OPCML: variants seen among roughly 807,000 people sequenced by gnomAD.
OPCML encodes the protein opioid binding protein/cell adhesion molecule like.
In OPCML, 13 loss-of-function variants were observed where a neutral mutation model predicts 37.8. The observed-to-expected ratio is 0.34, with a 90% CI of 0.22 to 0.55. The LOEUF (loss-of-function observed/expected upper bound fraction) is 0.55. Among genes scored for constraint, OPCML ranks in the 20% least tolerant of loss-of-function variants. The pLI, the probability that OPCML is intolerant of heterozygous loss-of-function variation, is 0.91. For synonymous variants in OPCML, 176 were observed against 168.8 expected, an observed-to-expected ratio of 1.04 and a Z score of -0.33; for missense variants, 341 against 435.6, an observed-to-expected ratio of 0.78 and a Z score of 1.93.
intron 1 of OPCML, among the ~76,000 whole-genome samples, chr11:133,179,335 G>A (rs1592078052): frequency 6.6e-6 from 1 of 152,168 alleles, no homozygotes; most frequent in African/African-American, 2.4e-5. Flanking sequence ...ACATCTCAGG[G>A]GTTGGTTGGC....
intron 1 of OPCML, among the ~76,000 whole-genome samples, chr11:133,444,504 T>A (rs1039442074): frequency 6.6e-5 from 10 of 152,136 alleles, no homozygotes; most frequent in African/African-American, 2.4e-4. Context: ...AGAAGAAGAT[T>A]GCTAAATCAA....
intron 1 of OPCML, among the ~76,000 whole-genome samples, chr11:133,014,723 G>A (rs1218850504): frequency 6.6e-6 from 1 of 152,220 alleles, no homozygotes; most frequent in Non-Finnish European, 1.5e-5. Context: ...CCCAGCAGAA[G>A]GAGAGAGAAA....
chr11:133,437,588 G>C (rs1946261902), intron 1 of OPCML, among the ~76,000 whole-genome samples: 1 of 150,610 alleles, frequency 6.6e-6, no homozygotes, highest in South Asian at 2.1e-4. Context: ...CTTAATATTT[G>C]CTAAGCACGC....
chr11:133,496,230 G>A (rs1159534962), intron 1 of OPCML, among the ~76,000 whole-genome samples: 2 of 152,088 alleles, frequency 1.3e-5, no homozygotes, highest in Non-Finnish European at 2.9e-5. Context: ...GTTTAATTCT[G>A]GGTTCCCTAT....
At chr11:133,333,659 G>A (rs1423307685) in intron 1 of OPCML, among the ~76,000 whole-genome samples, 2 of 152,144 alleles carry the variant, frequency 1.3e-5, no homozygotes, top group African/African-American at 4.8e-5. Flanking sequence ...TTAAACTTAA[G>A]AGCTGCTGTG....
intron 2 of OPCML, among the ~76,000 whole-genome samples, chr11:132,935,592 T>A (rs1325273347): frequency 6.6e-6 from 1 of 152,214 alleles, no homozygotes; most frequent in African/African-American, 2.4e-5. Flanking sequence ...AGCACTTTCA[T>A]GGGAAGCCAG....
chr11:132,581,709 A>G (rs1322310178), intron 3 of OPCML, among the ~76,000 whole-genome samples: 1 of 152,140 alleles, frequency 6.6e-6, no homozygotes, highest in Non-Finnish European at 1.5e-5. Flanking sequence ...ACATACTTTT[A>G]GGTAGAGAAA....
intron 2 of OPCML, among the ~76,000 whole-genome samples, chr11:132,852,942 T>C (rs1941882342): frequency 6.6e-6 from 1 of 152,002 alleles, no homozygotes; most frequent in South Asian, 2.1e-4. Context: ...ACAGACACCT[T>C]ATGTAGCCCG....
intron 1 of OPCML, among the ~76,000 whole-genome samples, chr11:133,293,757 G>A (rs1942546718): frequency 6.6e-6 from 1 of 152,020 alleles, no homozygotes; most frequent in Non-Finnish European, 1.5e-5. Context: ...TGATCTGGAA[G>A]AGAAACCCAC....
At chr11:132,733,697 T>C (rs3019865) in intron 2 of OPCML, among the ~76,000 whole-genome samples, 94,063 of 152,000 alleles carry the variant, frequency 0.62, 29,473 homozygotes, top group Admixed American at 0.66. Flanking sequence ...AATTTGAGTG[T>C]CACATTGATC....
chr11:133,186,235 T>C (rs1340554265), intron 1 of OPCML, among the ~76,000 whole-genome samples: 1 of 151,828 alleles, frequency 6.6e-6, no homozygotes, highest in Non-Finnish European at 1.5e-5. Context: ...GCTATGCCTG[T>C]AAGCTCCAAA....
intron 3 of OPCML, among the ~76,000 whole-genome samples, chr11:132,582,162 G>A (rs1335818708): frequency 1.3e-5 from 2 of 151,556 alleles, no homozygotes; most frequent in African/African-American, 2.4e-5. Flanking sequence ...AACAGAGAGA[G>A]AGAGTGCCTG....
At chr11:133,107,865 T>A (rs1040977495) in intron 1 of OPCML, among the ~76,000 whole-genome samples, 1 of 152,254 alleles carries the variant, frequency 6.6e-6, no homozygotes, top group East Asian at 1.9e-4. Flanking sequence ...TTATTTCTGA[T>A]TCTCAACGTA....
At chr11:132,831,876 T>G (rs1940710901) in intron 2 of OPCML, among the ~76,000 whole-genome samples, 1 of 152,162 alleles carries the variant, frequency 6.6e-6, no homozygotes, top group Non-Finnish European at 1.5e-5. Flanking sequence ...ATGTGGTCAT[T>G]AAACAGCAAT....
chr11:132,958,226 A>G (rs1387182023), intron 1 of OPCML, among the ~76,000 whole-genome samples: 1 of 152,238 alleles, frequency 6.6e-6, no homozygotes, highest in African/African-American at 2.4e-5. Flanking sequence ...TAGAAAGTCA[A>G]ACCAGCCACA....
At chr11:133,338,278 G>A (rs1943786369) in intron 1 of OPCML, among the ~76,000 whole-genome samples, 1 of 152,160 alleles carries the variant, frequency 6.6e-6, no homozygotes, top group South Asian at 2.1e-4. Context: ...ACCCGCCACT[G>A]GCTCTCTTGC....
chr11:133,309,844 C>A (rs191191907), intron 1 of OPCML, among the ~76,000 whole-genome samples: 1 of 152,090 alleles, frequency 6.6e-6, no homozygotes, highest in Non-Finnish European at 1.5e-5. Context: ...GCTTACTGAC[C>A]CAAGGATGAG....
At chr11:133,031,006 A>T (rs916084645) in intron 1 of OPCML, among the ~76,000 whole-genome samples, 2 of 152,162 alleles carry the variant, frequency 1.3e-5, no homozygotes, top group Non-Finnish European at 2.9e-5. Flanking sequence ...TCCCCCTACA[A>T]ATAGCTTGAG....
At position 133,454,110 on chromosome 11, in the gene OPCML, C is replaced by A. The variant is rs572469435; in HGVS notation, c.61+78154G>T. Among the ~76,000 whole-genome samples, 19 of 152,264 alleles carry A rather than the reference C, an allele frequency of 1.2e-4. No homozygotes were observed. The South Asian group carries it at 3.9e-3, about 32-fold the overall frequency. On this transcript the variant is annotated intron_variant, in intron 1 of 7. Coordinates refer to ENST00000524381, the MANE Select transcript of OPCML (RefSeq NM_001012393.5). ...TCCTTAGAATTGCAGGAATTCATAT[C>A]AGAAGGACCAAATTAAGTCTCATTT...
Sources: allele counts gnomAD v4.1 joint callset (sites outside exome capture counted in the v4.1 genomes callset), GRCh38; gene constraint gnomAD v4.1.1; transcripts MANE v1.5; gene names NCBI Gene and HGNC (gene_info 2026-07-23, HGNC 2026-07-21).